Variants in CHN2 observed in about 807,000 individuals in gnomAD.
The protein encoded by CHN2 is beta-chimaerin.
In CHN2, 35 loss-of-function variants were observed where a neutral mutation model predicts 56.3. The ratio of observed to expected loss-of-function variants is 0.62; its 90% CI spans 0.47 to 0.82. The LOEUF is 0.82. Among genes scored for constraint, CHN2 ranks in the 40% least tolerant of loss-of-function variants. CHN2 has a pLI of 0.00. For synonymous variants in CHN2, 210 were observed against 212.8 expected, an observed-to-expected ratio of 0.99 and a Z score of 0.12; for missense variants, 491 against 580.5, an observed-to-expected ratio of 0.85 and a Z score of 1.58.
intron 2 of CHN2, among the ~76,000 whole-genome samples, chr7:29,178,315 A>G (rs910834098): frequency 6.6e-6 from 1 of 152,206 alleles, no homozygotes; most frequent in Non-Finnish European, 1.5e-5. Flanking sequence ...ATAAACAGAA[A>G]GTCTCCACTA....
intron 9 of CHN2, among the ~76,000 whole-genome samples, chr7:29,502,539 A>C (rs1790080920): frequency 6.6e-6 from 1 of 152,180 alleles, no homozygotes; most frequent in Admixed American, 6.5e-5. Context: ...CAAATATTGG[A>C]AGGATAGCTG....
intron 6 of CHN2, among the ~76,000 whole-genome samples, chr7:29,476,681 C>T (rs1786624871): frequency 6.6e-6 from 1 of 152,080 alleles, no homozygotes; most frequent in Non-Finnish European, 1.5e-5. Context: ...CAACTGGAGA[C>T]AGCGTTGCTT....
intron 1 of CHN2, among the ~76,000 whole-genome samples, chr7:29,247,399 C>T (rs2128815205): frequency 6.6e-6 from 1 of 152,320 alleles, no homozygotes; most frequent in East Asian, 1.9e-4. Flanking sequence ...CTCCGGCACT[C>T]AGGGAAGTGG....
chr7:29,430,606 G>C (rs923429974), intron 6 of CHN2, among the ~76,000 whole-genome samples: 5 of 152,080 alleles, frequency 3.3e-5, no homozygotes, highest in Non-Finnish European at 7.3e-5. Flanking sequence ...GCTCAGCTAC[G>C]AGAGTAGTTT....
At position 29,279,166 on chromosome 7, in the gene CHN2, T is replaced by C. The variant is rs533397246; in HGVS notation, c.50-75459T>C. 2.0e-5 allele frequency among the ~76,000 whole-genome samples: 3 copies of C among 152,338 alleles called. No individual in the cohort carries two copies. The South Asian group carries it at 6.2e-4, about 32-fold the overall frequency. On this transcript the variant is annotated intron_variant, in intron 1 of 12. Transcript: ENST00000222792. ...GCAGTATTCCCAAAACTGTAAGTTG[T>C]GATTATTTACAGAGTTGAAAGGGCA...
At chr7:29,258,269 A>G (rs1027389260) in intron 1 of CHN2, among the ~76,000 whole-genome samples, 1 of 152,204 alleles carries the variant, frequency 6.6e-6, no homozygotes, top group African/African-American at 2.4e-5. Context: ...GGACATCTGG[A>G]TACCCTTTAT....
chr7:29,263,437 G>T (rs1247940095), intron 1 of CHN2, among the ~76,000 whole-genome samples: 14 of 152,122 alleles, frequency 9.2e-5, no homozygotes, highest in African/African-American at 3.1e-4. Context: ...TGCAGCCTCT[G>T]CCCGGCCGCC....
At chr7:29,374,242 T>G (rs1159968030) in intron 3 of CHN2, among the ~76,000 whole-genome samples, 1 of 152,106 alleles carries the variant, frequency 6.6e-6, no homozygotes, top group East Asian at 1.9e-4. Context: ...CTGTCAGGCC[T>G]TTTTCTTGAT....
intron 1 of CHN2, among the ~76,000 whole-genome samples, chr7:29,349,567 C>G (rs1053458539): frequency 6.6e-6 from 1 of 152,274 alleles, no homozygotes; most frequent in Middle Eastern, 3.4e-3. Flanking sequence ...TAGGTTTACT[C>G]TTACACACAG....
chr7:29,336,425 C>T (rs1038889492), intron 1 of CHN2, among the ~76,000 whole-genome samples: 3 of 152,064 alleles, frequency 2.0e-5, no homozygotes, highest in Admixed American at 1.3e-4. Context: ...GCCTGAGCAA[C>T]ACAGTAAGAC....
chr7:29,316,027 C>A (rs1794933834), intron 1 of CHN2, among the ~76,000 whole-genome samples: 1 of 152,194 alleles, frequency 6.6e-6, no homozygotes, highest in Admixed American at 6.5e-5. Flanking sequence ...AAATCTAGGT[C>A]TCGCTTTGTC....
intron 6 of CHN2, among the ~76,000 whole-genome samples, chr7:29,450,857 C>T (rs189247871): frequency 2.8e-4 from 43 of 152,022 alleles, no homozygotes; most frequent in Admixed American, 2.0e-4. Flanking sequence ...CTGCAACCTC[C>T]GCCTCCCAGG....
At chr7:29,361,053 C>T (rs1209119240) in intron 2 of CHN2, among the ~76,000 whole-genome samples, 1 of 152,138 alleles carries the variant, frequency 6.6e-6, no homozygotes, top group Non-Finnish European at 1.5e-5. Context: ...GCAGAGGGCC[C>T]GGGGCTGGGA....
rs916098472 is a variant in CHN2, at chr7:29,195,165, A to C, written c.49+175A>C. The C allele has an allele frequency of 9.1e-5, 51 of 561,754 alleles. No homozygotes were observed. In the African/African-American group the frequency reaches 9.7e-4, roughly 11 times the overall value. 34.8% of individuals were successfully genotyped at this position (561,754 alleles called of 1,614,324 possible). A position where few individuals can be genotyped will look rare whatever the true frequency, so the allele number is the denominator to read the frequency against. ...TCGCCAGCACCTCGGTGCCCAGAGC[A>C]CCTCCGCGCCTGACATCTGACAGCG... On this transcript the variant is annotated intron_variant, in intron 1 of 12. Transcript: ENST00000222792.
At chr7:29,400,521 T>A (rs1802120182) in intron 5 of CHN2, 22 bp from the exon 6 acceptor site, 3 of 1,610,624 alleles carry the variant, frequency 1.9e-6, no homozygotes, top group Non-Finnish European at 2.5e-6. Context: ...GTGGTTGTAA[T>A]CCCTCATTCT....
chr7:29,333,410 G>A (rs984398593), intron 1 of CHN2, among the ~76,000 whole-genome samples: 1 of 152,172 alleles, frequency 6.6e-6, no homozygotes, highest in African/African-American at 2.4e-5. Flanking sequence ...ATGCTTTGGA[G>A]AGGAGATGAC....
At chr7:29,300,574 C>T (rs1046603416) in intron 1 of CHN2, among the ~76,000 whole-genome samples, 21 of 152,094 alleles carry the variant, frequency 1.4e-4, no homozygotes, top group South Asian at 6.2e-4. Flanking sequence ...CAGCGTAATA[C>T]TTGGAGTCAA....
intron 1 of CHN2, among the ~76,000 whole-genome samples, chr7:29,295,299 C>T (rs563888313): frequency 1.8e-4 from 25 of 135,144 alleles, no homozygotes; most frequent in African/African-American, 6.6e-4. Flanking sequence ...GACTATATCC[C>T]TCAGTTTAGC....
intron 8 of CHN2, among the ~76,000 whole-genome samples, chr7:29,496,293 C>G (rs1368161831): frequency 1.3e-5 from 2 of 150,416 alleles, no homozygotes; most frequent in South Asian, 4.2e-4. Context: ...CTGCCTCTTA[C>G]AATAGGCAGT....
Sources: gnomAD v4.1 joint callset for allele counts (sites outside exome capture counted in the v4.1 genomes callset) on GRCh38, gnomAD v4.1.1 for gene constraint, MANE v1.5 for transcripts, NCBI Gene and HGNC (gene_info 2026-07-23, HGNC 2026-07-21) for gene names.